DNAH5: variants seen among roughly 807,000 people sequenced by gnomAD.
DNAH5 encodes the protein axonemal beta dynein heavy chain 5.
DNAH5 carries 372 observed loss-of-function variants against 518.2 expected under a neutral mutation model. That is an observed-to-expected ratio of 0.72 (90% CI 0.66 to 0.78). The LOEUF (loss-of-function observed/expected upper bound fraction) is 0.78, where lower values mean the gene tolerates loss of function less well. DNAH5 is among the 30% of genes least tolerant of loss of function. DNAH5 has a pLI of 0.00. For synonymous variants in DNAH5, 2,039 were observed against 2,025.9 expected, an observed-to-expected ratio of 1.01 and a Z score of -0.17; for missense variants, 5,523 against 5,687.0, an observed-to-expected ratio of 0.97 and a Z score of 0.93.
intron 49 of DNAH5, 143 bp downstream of exon 49, chr5:13,793,372 A>G: frequency 2.8e-6 from 2 of 714,624 alleles, no homozygotes; most frequent in East Asian, 5.2e-5. Flanking sequence ...GAAATGAAAT[A>G]CACTGCTTGA....
At chr5:13,807,470 G>C (rs1162529940) in intron 47 of DNAH5, 121 bp downstream of exon 47, 1 of 895,984 alleles carries the variant, frequency 1.1e-6, no homozygotes, top group East Asian at 2.6e-5. Flanking sequence ...GACGTACGTG[G>C]GTGATTTATC....
chr5:13,852,894 A>G (rs1415045750), intron 30 of DNAH5, among the ~76,000 whole-genome samples: 1 of 152,130 alleles, frequency 6.6e-6, no homozygotes, highest in African/African-American at 2.4e-5. Context: ...TAAAACTCTC[A>G]TCTCCCTGGG....
rs543729371 is a variant in DNAH5 at position 13,868,920 on chromosome 5, A to T, written c.3835-928T>A. Among the ~76,000 whole-genome samples the T allele has an allele frequency of 2.0e-5, 3 of 152,296 alleles. No individual in the cohort carries two copies. In the East Asian group the frequency reaches 5.8e-4, roughly 29 times the overall value. The stretch of plus-strand genomic sequence containing the variant: ...AATAACTGGAGTAATACACTAAGTT[A>T]TGTCTTCCGAATAACTTCCATCAGG... On this transcript the variant is annotated intron_variant, in intron 24 of 78. Transcript: ENST00000265104.
chr5:13,901,989 A>G lies in DNAH5; in HGVS notation c.1730+64T>C, dbSNP rs1774688235. The G allele has an allele frequency of 3.5e-6, 4 of 1,141,450 alleles. No homozygotes were observed. In the South Asian group the frequency reaches 5.3e-5, roughly 15 times the overall value. 70.7% of individuals were successfully genotyped at this position (1,141,450 alleles called of 1,614,324 possible). A position where few individuals can be genotyped will look rare whatever the true frequency, so the allele number is the denominator to read the frequency against. ...AGAATATGAAATAATAATAATAGGA[A>G]TAACAACAATAAAAGCTAAACTATC... On this transcript the variant is annotated intron_variant, in intron 13 of 78. Transcript: ENST00000265104.
Position 13,890,947 on chromosome 5 carries a change from TAAACAAAAAA to T in DNAH5, c.2577+19_2577+28del. 1 of 1,613,398 alleles carries T rather than the reference TAAACAAAAAA, an allele frequency of 6.2e-7. No individual in the cohort carries two copies. Among genetic ancestry groups the T allele is most frequent in the South Asian group, 1.1e-5 (1 of 90,896 alleles). ...TAGGAAAATGAATCACCAAAAACCT[TAAACAAAAAA>T]AATCAAGGTTTTAATGACCTTTGTC... is the stretch of plus-strand genomic sequence containing the variant. On this transcript the variant is annotated intron_variant, in intron 17 of 78. Coordinates refer to ENST00000265104, the MANE Select transcript of DNAH5 (RefSeq NM_001369.3).
rs778696977 is a variant in DNAH5, at chr5:13,931,100, C to T, written c.192+10G>A. On this transcript the variant is annotated intron_variant, in intron 2 of 78. Transcript: ENST00000265104. ...ATCATCAAGTCAGTGAGAAGTGAAA[C>T]GCATCCCACCTGATTCCCTTCAAGA... 1.7e-5 allele frequency: 28 copies of T among 1,613,910 alleles called. No individual in the cohort carries two copies. The Admixed American group carries it at 1.8e-4, about 11-fold the overall frequency.
At chr5:13,777,434 C>A in intron 53 of DNAH5, 79 bp from the exon 54 acceptor site, 1 of 1,315,622 alleles carries the variant, frequency 7.6e-7, no homozygotes, top group South Asian at 1.2e-5. Flanking sequence ...CGCATTATGC[C>A]ATTTAGCTAA....
At chr5:13,993,990 G>A (rs997006028) in intron 1 of DNAH5, among the ~76,000 whole-genome samples, 2 of 152,194 alleles carry the variant, frequency 1.3e-5, no homozygotes, top group African/African-American at 2.4e-5. Context: ...CTCAGAGGTC[G>A]GAAGGAGGAA....
intron 1 of DNAH5, among the ~76,000 whole-genome samples, chr5:14,005,181 C>T (rs1021157392): frequency 6.6e-6 from 1 of 152,152 alleles, no homozygotes; most frequent in Non-Finnish European, 1.5e-5. Context: ...CTCCCCTTTG[C>T]CACATTGTTA....
At chr5:13,734,883 A>C (rs1040016907) in intron 68 of DNAH5, among the ~76,000 whole-genome samples, 7 of 151,904 alleles carry the variant, frequency 4.6e-5, no homozygotes, top group Admixed American at 4.6e-4. Flanking sequence ...ACCCTCCCTA[A>C]ATCTATATAT....
chr5:13,778,596 A>AAGAGAGAGAGAGAGAAAGAAAG (rs199841746), intron 53 of DNAH5, among the ~76,000 whole-genome samples: 5 of 102,236 alleles, frequency 4.9e-5, no homozygotes, highest in Admixed American at 2.1e-4. Flanking sequence ...GAAAGAAAGA[A>AAGAGAGAGAGAGAGAAAGAAAG]AGAGAGAGAG....
At position 13,830,054 on chromosome 5, in the gene DNAH5, T is replaced by C. The variant is rs750127462; in HGVS notation, c.6221A>G (p.Asn2074Ser). 6.2e-7 allele frequency: 1 copy of C among 1,614,014 alleles called. No individual in the cohort carries two copies. The highest frequency in any genetic ancestry group is 1.3e-5 in the African/African-American group (1 of 75,022). ...GGTTAAGAAAAGCCCAAATTCAGGG[T>C]TCATAGTCACATTATCTCCATCAGT... ...IFTDGDNVTM[N>S]PEFGLFLTMN... Residue 2074 changes from asparagine (N) to serine (S), a missense_variant, in exon 37 of 79, where the codon AAC becomes AGC. Physicochemically the swap from Asn to Ser is conservative, Grantham distance 46. Around this residue, in one of 3 missense-constraint regions of DNAH5, gnomAD observed 5,121 missense variants for 5,223.3 expected, o/e 0.98. Transcript: ENST00000265104.
chr5:13,750,986 T>G (rs1331066117), intron 65 of DNAH5, 92 bp downstream of exon 65: 2 of 1,366,964 alleles, frequency 1.5e-6, no homozygotes, highest in Non-Finnish European at 2.1e-6. Context: ...GGAGAGAAAC[T>G]CAGTCCTATT....
chr5:13,796,776 C>T (rs1341011131), intron 47 of DNAH5, among the ~76,000 whole-genome samples: 2 of 152,184 alleles, frequency 1.3e-5, no homozygotes, highest in African/African-American at 4.8e-5. Context: ...AAGCTGGAGG[C>T]ATCACACTAC....
chr5:13,749,222 G>A (rs1443203627), intron 65 of DNAH5, among the ~76,000 whole-genome samples: 3 of 149,202 alleles, frequency 2.0e-5, no homozygotes, highest in Non-Finnish European at 4.5e-5. Flanking sequence ...CATTATAAAA[G>A]AAAACGAGTG....
intron 12 of DNAH5, among the ~76,000 whole-genome samples, chr5:13,910,781 C>A (rs1241231896): frequency 6.6e-6 from 1 of 152,212 alleles, no homozygotes; most frequent in African/African-American, 2.4e-5. Context: ...GCTAGCCCAA[C>A]CCCTTCCTCG....
intron 1 of DNAH5, among the ~76,000 whole-genome samples, chr5:13,993,737 T>G (rs376293555): frequency 6.6e-6 from 1 of 152,200 alleles, no homozygotes; most frequent in East Asian, 1.9e-4. Context: ...GCTTGCCTAA[T>G]GTACAGACGT....
At chr5:13,780,687 G>T in intron 53 of DNAH5, 142 bp downstream of exon 53, 1 of 944,104 alleles carries the variant, frequency 1.1e-6, no homozygotes, top group Non-Finnish European at 1.7e-6. Flanking sequence ...AAGGTTGACA[G>T]GGGAAGATGA....
chr5:13,869,661 T>C (rs542673492), intron 24 of DNAH5, among the ~76,000 whole-genome samples: 2 of 152,284 alleles, frequency 1.3e-5, no homozygotes, highest in Non-Finnish European at 2.9e-5. Context: ...TACACAGACA[T>C]TAAAAGGAGC....
Sources: gnomAD v4.1 joint callset for allele counts (sites outside exome capture counted in the v4.1 genomes callset) on GRCh38, gnomAD v4.1.1 for gene constraint, gnomAD v4.1.1 regional missense constraint, MANE v1.5 for transcripts, NCBI Gene and HGNC (gene_info 2026-07-23, HGNC 2026-07-21) for gene names.